Variants in THAP12 observed in about 807,000 individuals in gnomAD.
THAP12 encodes the protein THAP domain containing 12, also known as 52 kDa repressor of the inhibitor of the protein kinase.
In THAP12, 20 loss-of-function variants were observed where a neutral mutation model predicts 63.0. The ratio of observed to expected loss-of-function variants is 0.32; its 90% CI spans 0.22 to 0.46. The LOEUF (loss-of-function observed/expected upper bound fraction) is 0.46. Among genes scored for constraint, THAP12 ranks in the 20% least tolerant of loss-of-function variants. THAP12 has a pLI of 1.00. For synonymous variants in THAP12, 264 were observed against 328.4 expected, an observed-to-expected ratio of 0.80 and a Z score of 2.12; for missense variants, 568 against 908.2, an observed-to-expected ratio of 0.63 and a Z score of 4.81.
intron 1 of THAP12, 129 bp downstream of exon 1, chr11:76,380,619 C>T: frequency 3.0e-6 from 2 of 660,072 alleles, no homozygotes; most frequent in Non-Finnish European, 4.2e-6. Flanking sequence ...ACGCTGGGGT[C>T]GACGGCAGTG....
rs1189811957 is a variant in THAP12 at position 76,371,958 on chromosome 11, A to AC, written c.90-5987dup. 1.0e-4 allele frequency among the ~76,000 whole-genome samples: 15 copies of AC among 149,892 alleles called. No individual in the cohort carries two copies. In the South Asian group the frequency reaches 3.2e-3, roughly 32 times the overall value. On this transcript the variant is annotated intron_variant, in intron 1 of 4. Transcript: ENST00000260045. ...CTCCTGAGTAGCTGGGATTACAGGC[A>AC]CCCCCCACCATGCCCGGTTAATTTT...
intron 4 of THAP12, among the ~76,000 whole-genome samples, chr11:76,353,386 C>G (rs1469234436): frequency 6.6e-6 from 1 of 152,192 alleles, no homozygotes; most frequent in East Asian, 1.9e-4. Flanking sequence ...CCCAAGATCA[C>G]AAATACAGTT....
chr11:76,369,828 T>C (rs186518720), intron 1 of THAP12, among the ~76,000 whole-genome samples: 4 of 152,370 alleles, frequency 2.6e-5, no homozygotes, highest in African/African-American at 9.6e-5. Context: ...GACCCCCTCA[T>C]GGGAAAGACG....
intron 1 of THAP12, among the ~76,000 whole-genome samples, chr11:76,377,897 G>T (rs527970450): frequency 1.3e-5 from 2 of 152,306 alleles, no homozygotes; most frequent in Admixed American, 6.5e-5. Flanking sequence ...TTTAAAGAAA[G>T]AAGTCCTTTG....
intron 2 of THAP12, chr11:76,364,471 T>C (rs1294682599): frequency 2.4e-6 from 1 of 418,298 alleles, no homozygotes; most frequent in South Asian, 1.7e-5. Flanking sequence ...CATAACAACA[T>C]ATAGTGTACC....
At chr11:76,373,339 G>A (rs1946687092) in intron 1 of THAP12, among the ~76,000 whole-genome samples, 1 of 139,118 alleles carries the variant, frequency 7.2e-6, no homozygotes, top group South Asian at 2.3e-4. Context: ...GTGAGACACT[G>A]TCTCAAAAAA....
intron 1 of THAP12, among the ~76,000 whole-genome samples, chr11:76,376,624 G>GTTTTTTTT (rs11300199): frequency 7.6e-6 from 1 of 130,844 alleles, no homozygotes; most frequent in African/African-American, 2.9e-5. Context: ...TGTTTTTTTT[G>GTTTTTTTT]TTTTTTTTTT....
chr11:76,370,824 A>G (rs909497423), intron 1 of THAP12, among the ~76,000 whole-genome samples: 2 of 79,478 alleles, frequency 2.5e-5, no homozygotes, highest in African/African-American at 7.6e-5. Context: ...CCGTCTCAAA[A>G]AAAAAGAAAA....
chr11:76,380,764 G>T lies in THAP12; in HGVS notation c.73C>A (p.Pro25Thr). 6.8e-7 allele frequency: 1 copy of T among 1,460,396 alleles called. No individual in the cohort carries two copies. The highest frequency in any genetic ancestry group is 9.1e-7 in the Non-Finnish European group (1 of 1,099,996). The allele number at this position is 1,460,396 out of a possible 1,614,324, so 90.5% of individuals were successfully genotyped here. The change falls in exon 1 of 5, where the codon CCG becomes ACG. Residue 25 changes from proline (P) to threonine (T), a missense_variant. By Grantham distance (38) the Pro-to-Thr change is conservative (BLOSUM62 -1). Coordinates refer to ENST00000260045, the MANE Select transcript of THAP12 (RefSeq NM_004705.4). ...TQSDLAFFRF[P>T]RDPARCQKWV... The stretch of plus-strand genomic sequence containing the variant: ...GCCGCTTACCTGGCAGGGTCCCGCG[G>T]GAACCTGAAGAAGGCCAAGTCGGAC...
chr11:76,376,536 G>A (rs966933662), intron 1 of THAP12, among the ~76,000 whole-genome samples: 3 of 151,554 alleles, frequency 2.0e-5, no homozygotes, highest in African/African-American at 7.3e-5. Context: ...CAAGGGCAAA[G>A]ATGCCCATCT....
intron 2 of THAP12, among the ~76,000 whole-genome samples, chr11:76,362,904 G>A (rs1162213001): frequency 6.6e-6 from 1 of 152,212 alleles, no homozygotes; most frequent in Non-Finnish European, 1.5e-5. Context: ...CACTTTGGGA[G>A]GCCTTGGCCG....
chr11:76,380,945 AG>A lies in THAP12; in HGVS notation c.-110del, dbSNP rs1946754940. ...AGCCAGGCCGGCCGGCCGGCTCGGCAGGGCCGACGCGCGGGGGAGGGGCGGG... is the reference window on the plus strand; with the variant it reads ...AGCCAGGCCGGCCGGCCGGCTCGGCAGGCCGACGCGCGGGGGAGGGGCGGG... On this transcript the variant is annotated 5_prime_UTR_variant, in exon 1 of 5. Coordinates refer to ENST00000260045, the MANE Select transcript of THAP12 (RefSeq NM_004705.4). The A allele has an allele frequency of 1.9e-6, 1 of 529,010 alleles. No individual in the cohort carries two copies. Among genetic ancestry groups the A allele is most frequent in the Non-Finnish European group, 2.7e-6 (1 of 374,844 alleles). 32.8% of individuals were successfully genotyped at this position (529,010 alleles called of 1,614,324 possible).
chr11:76,380,322 G>A (rs1235036905), intron 1 of THAP12, among the ~76,000 whole-genome samples: 2 of 152,202 alleles, frequency 1.3e-5, no homozygotes, highest in African/African-American at 4.8e-5. Context: ...CACTGTCCCG[G>A]GGGTGGTGGC....
rs574269953 is a variant in THAP12 at position 76,372,174 on chromosome 11, A to T, written c.90-6202T>A. ...TCATTATGTTGCCCAGGTGGGTCTC[A>T]AACTCCCGGGCTCAAGCGATCCTCC... On this transcript the variant is annotated intron_variant, in intron 1 of 4. Transcript: ENST00000260045. Among the ~76,000 whole-genome samples the T allele has an allele frequency of 1.3e-4, 20 of 151,158 alleles. No individual in the cohort carries two copies. In the South Asian group the frequency reaches 4.2e-3, roughly 32 times the overall value.
chr11:76,373,606 C>G (rs907561098), intron 1 of THAP12, among the ~76,000 whole-genome samples: 1 of 151,622 alleles, frequency 6.6e-6, no homozygotes, highest in Non-Finnish European at 1.5e-5. Context: ...CCTATAGTCC[C>G]AGGTATTTGG....
chr11:76,355,582 G>A (rs770810822), intron 4 of THAP12, 36 bp downstream of exon 4: 1 of 1,556,714 alleles, frequency 6.4e-7, no homozygotes, highest in South Asian at 1.2e-5. Context: ...TTTTTAAAAG[G>A]CATTCAGAAG....
At chr11:76,354,536 G>A (rs1946547422) in intron 4 of THAP12, among the ~76,000 whole-genome samples, 1 of 152,160 alleles carries the variant, frequency 6.6e-6, no homozygotes. Flanking sequence ...CTTTTTAGGT[G>A]TCATAGGTAT....
At chr11:76,380,500 C>A (rs993832072) in intron 1 of THAP12, among the ~76,000 whole-genome samples, 24 of 152,148 alleles carry the variant, frequency 1.6e-4, no homozygotes, top group African/African-American at 5.1e-4. Context: ...CCAGCTCCCT[C>A]GCGTTTGGGG....
At chr11:76,356,548 T>C (rs895950155) in intron 3 of THAP12, 2 of 152,186 alleles carry the variant, frequency 1.3e-5, no homozygotes, top group African/African-American at 4.8e-5. Flanking sequence ...ACACTTCATA[T>C]CTATGGATTT....
Sources: gnomAD v4.1 joint callset for allele counts (sites outside exome capture counted in the v4.1 genomes callset) on GRCh38, gnomAD v4.1.1 for gene constraint, MANE v1.5 for transcripts, NCBI Gene and HGNC (gene_info 2026-07-23, HGNC 2026-07-21) for gene names.